Variants in ZNF730 observed in about 807,000 individuals in gnomAD.
The protein encoded by ZNF730 is zinc finger protein 730, also known as putative zinc finger protein 730.
ZNF730 carries 12 observed loss-of-function variants against 12.6 expected under a neutral mutation model. The ratio of observed to expected loss-of-function variants is 0.95; its 90% CI spans 0.61 to 1.54. ZNF730 has a LOEUF of 1.54. Ranked by LOEUF, ZNF730 falls within the 40% of genes most tolerant of loss-of-function variation. The probability of loss-of-function intolerance (pLI) is 0.00; values close to 1 mark genes in which losing one functional copy is unlikely to be tolerated. For missense variants in ZNF730, 643 were observed against 583.5 expected, an observed-to-expected ratio of 1.10 and a Z score of -1.05; for synonymous variants, 194 against 195.8, an observed-to-expected ratio of 0.99 and a Z score of 0.08.
At chr19:23,133,704 T>C (rs1265806802) in intron 1 of ZNF730, among the ~76,000 whole-genome samples, 1 of 152,246 alleles carries the variant, frequency 6.6e-6, no homozygotes, top group East Asian at 1.9e-4. Flanking sequence ...ATCTTCAGTT[T>C]ATTGTAGACA....
chr19:23,096,647 C>T (rs964595613), intron 1 of ZNF730, among the ~76,000 whole-genome samples: 3 of 152,114 alleles, frequency 2.0e-5, no homozygotes, highest in Non-Finnish European at 1.5e-5. Context: ...GGCATTTTGA[C>T]ATATTTTGAG....
chr19:23,136,514 C>T (rs1345163785), intron 3 of ZNF730, among the ~76,000 whole-genome samples: 3 of 152,166 alleles, frequency 2.0e-5, no homozygotes, highest in Admixed American at 1.3e-4. Context: ...ATGTGATTCT[C>T]CTGCCTCAGC....
At chr19:23,126,607 G>A in intron 1 of ZNF730, 1 of 481,730 alleles carries the variant, frequency 2.1e-6, no homozygotes, top group Non-Finnish European at 4.1e-6. Flanking sequence ...CAGTTTGGCA[G>A]CAACTGTAGG....
At chr19:23,142,165 T>A (rs903695661) in intron 3 of ZNF730, among the ~76,000 whole-genome samples, 2 of 151,968 alleles carry the variant, frequency 1.3e-5, no homozygotes, top group African/African-American at 2.4e-5. Flanking sequence ...CTCTTTAGAG[T>A]TTTGACTTCA....
chr19:23,106,683 C>T (rs1393826874), intron 1 of ZNF730, among the ~76,000 whole-genome samples: 5 of 151,022 alleles, frequency 3.3e-5, no homozygotes, highest in East Asian at 2.0e-4. Flanking sequence ...CCCAGCTCCT[C>T]GGGAGGTTGA....
chr19:23,104,103 C>T (rs903793443), intron 1 of ZNF730, among the ~76,000 whole-genome samples: 6 of 151,908 alleles, frequency 3.9e-5, no homozygotes, highest in Admixed American at 1.3e-4. Flanking sequence ...GAGTTCAGAT[C>T]GAGACCATCC....
At chr19:23,143,201 T>C (rs180678184) in intron 3 of ZNF730, among the ~76,000 whole-genome samples, 4 of 151,784 alleles carry the variant, frequency 2.6e-5, no homozygotes, top group Admixed American at 2.6e-4. Context: ...GCCGAAATAG[T>C]GCCACTGCAC....
intron 1 of ZNF730, among the ~76,000 whole-genome samples, chr19:23,117,639 A>G (rs1449642169): frequency 2.6e-5 from 4 of 152,340 alleles, no homozygotes; most frequent in African/African-American, 9.6e-5. Flanking sequence ...TAGAGCACCC[A>G]GTTATGGGGT....
At position 23,145,507 on chromosome 19, in the gene ZNF730, C is replaced by A; in HGVS notation, c.463C>A (p.His155Asn). Residue 155 changes from histidine (H) to asparagine (N), a missense_variant, in exon 4 of 4, where the codon CAT (histidine) becomes AAT (asparagine). His to Asn is a moderately conservative substitution (Grantham distance 68). Coordinates refer to ENST00000597761, the MANE Select transcript of ZNF730 (RefSeq NM_001277403.2). ...FQCDKYVKVF[H>N]KFSNSNRHKI... is the part of the protein sequence containing the mutation. ...GTGTGACAAATATGTGAAAGTCTTTCATAAATTTTCAAATTCAAACAGACA... is the reference window on the plus strand; with the variant it reads ...GTGTGACAAATATGTGAAAGTCTTTAATAAATTTTCAAATTCAAACAGACA... 1.3e-6 allele frequency: 2 copies of A among 1,561,018 alleles called. No homozygotes were observed. The highest frequency in any genetic ancestry group is 2.4e-5 in the East Asian group (1 of 42,004).
intron 1 of ZNF730, among the ~76,000 whole-genome samples, chr19:23,081,628 T>C (rs1031192777): frequency 3.3e-5 from 5 of 152,098 alleles, no homozygotes; most frequent in Non-Finnish European, 5.9e-5. Flanking sequence ...CTAATTTTTG[T>C]ATTTTCAGTG....
chr19:23,089,600 C>T (rs1970121672), intron 1 of ZNF730, among the ~76,000 whole-genome samples: 1 of 152,122 alleles, frequency 6.6e-6, no homozygotes, highest in South Asian at 2.1e-4. Context: ...CTCATTTTCT[C>T]TTGCTGCTGT....
intron 3 of ZNF730, among the ~76,000 whole-genome samples, chr19:23,143,304 TA>T (rs1970955094): frequency 6.6e-6 from 1 of 152,174 alleles, no homozygotes; most frequent in Admixed American, 6.5e-5. Flanking sequence ...TTCAACTGAA[TA>T]AAAAATTCTT....
intron 1 of ZNF730, chr19:23,128,553 T>G (rs1599593855): frequency 4.2e-6 from 1 of 237,636 alleles, no homozygotes; most frequent in East Asian, 9.0e-5. Context: ...ATCCAAACAA[T>G]TTTCAATGAG....
In ZNF730 at chr19:23,098,035, T is replaced by A. The variant is rs904824688; in HGVS notation, c.-94+22648T>A. On this transcript the variant is annotated intron_variant, in intron 1 of 2. Coordinates refer to the ZNF730 transcript ENST00000593635. ...AGTGTGCCCCTGTAGTCCTGGCTAC[T>A]TGGGAGGCTGAGACAGGAGAATCAC... 2.6e-5 allele frequency among the ~76,000 whole-genome samples: 4 copies of A among 151,960 alleles called. No individual in the cohort carries two copies. The East Asian group carries it at 5.8e-4, about 22-fold the overall frequency.
At position 23,126,378 on chromosome 19, in the gene ZNF730, C is replaced by T. The variant is rs546023398; in HGVS notation, c.4-7702C>T. On this transcript the variant is annotated intron_variant, in intron 1 of 3. Coordinates refer to ENST00000597761, the MANE Select transcript of ZNF730 (RefSeq NM_001277403.2). The stretch of plus-strand genomic sequence containing the variant: ...GGCCACTATCTTGGGGAACACAGTG[C>T]GGCATTACACCACACAGACTGGCAT... Among the ~76,000 whole-genome samples, 20 of 152,260 alleles carry T rather than the reference C, an allele frequency of 1.3e-4. No individual in the cohort carries two copies. The South Asian group carries it at 1.9e-3, about 14-fold the overall frequency.
At chr19:23,118,841 A>G (rs1266308802) in intron 1 of ZNF730, among the ~76,000 whole-genome samples, 5 of 152,232 alleles carry the variant, frequency 3.3e-5, no homozygotes, top group Admixed American at 6.5e-5. Flanking sequence ...AATGTTGTAG[A>G]TAATGGGTGA....
At chr19:23,126,169 A>G (rs553679160) in intron 1 of ZNF730, among the ~76,000 whole-genome samples, 1 of 152,352 alleles carries the variant, frequency 6.6e-6, no homozygotes, top group African/African-American at 2.4e-5. Context: ...TTTAAAGGCA[A>G]TAAAGGCAAT....
chr19:23,141,628 G>GT (rs144677865), intron 3 of ZNF730, among the ~76,000 whole-genome samples: 2,595 of 152,102 alleles, frequency 0.017, 59 homozygotes, highest in African/African-American at 0.057. Flanking sequence ...TCAAGAGTGT[G>GT]TTAATTTTTA....
chr19:23,142,956 C>A (rs752253234), intron 3 of ZNF730, among the ~76,000 whole-genome samples: 8 of 151,466 alleles, frequency 5.3e-5, no homozygotes, highest in Non-Finnish European at 1.2e-4. Flanking sequence ...TTAAAAAAAA[C>A]AAGAGTAGCC....
Sources: allele counts gnomAD v4.1 joint callset (sites outside exome capture counted in the v4.1 genomes callset), GRCh38; gene constraint gnomAD v4.1.1; transcripts MANE v1.5; gene names NCBI Gene and HGNC (gene_info 2026-07-23, HGNC 2026-07-21).